Variants in PAPSS2 observed in about 807,000 individuals in gnomAD.
PAPSS2 encodes the protein 3'-phosphoadenosine 5'-phosphosulfate synthase 2.
A neutral mutation model predicts 66.5 loss-of-function variants in PAPSS2; 61 were observed. The observed-to-expected ratio is 0.92, with a 90% CI of 0.75 to 1.14. The LOEUF is 1.14. PAPSS2 is among the 50% of genes most tolerant of loss of function. The pLI, the probability that PAPSS2 is intolerant of heterozygous loss-of-function variation, is 0.00. For missense variants in PAPSS2, 708 were observed against 789.6 expected, an observed-to-expected ratio of 0.90 and a Z score of 1.24; for synonymous variants, 289 against 287.5, an observed-to-expected ratio of 1.01 and a Z score of -0.05.
chr10:87,725,909 A>ACACACACACACACACACACC (rs1853653775), intron 8 of PAPSS2, among the ~76,000 whole-genome samples: 1 of 151,854 alleles, frequency 6.6e-6, no homozygotes, highest in Non-Finnish European at 1.5e-5. Flanking sequence ...ACACACACAC[A>ACACACACACACACACACACC]CACACATATT....
intron 8 of PAPSS2, among the ~76,000 whole-genome samples, chr10:87,722,187 T>C (rs1383252884): frequency 6.6e-6 from 1 of 152,238 alleles, no homozygotes; most frequent in Non-Finnish European, 1.5e-5. Flanking sequence ...TTAAACTGAA[T>C]GTACCTGGTT....
At chr10:87,672,059 C>T (rs1178497170) in intron 1 of PAPSS2, among the ~76,000 whole-genome samples, 1 of 152,186 alleles carries the variant, frequency 6.6e-6, no homozygotes, top group Non-Finnish European at 1.5e-5. Context: ...TATCAATTAT[C>T]CTAGTAGCTC....
At chr10:87,743,071 C>A (rs534191197) in intron 10 of PAPSS2, among the ~76,000 whole-genome samples, 1 of 152,244 alleles carries the variant, frequency 6.6e-6, no homozygotes, top group East Asian at 1.9e-4. Context: ...CATGGTGAAA[C>A]CCTGAGTCTA....
intron 8 of PAPSS2, among the ~76,000 whole-genome samples, chr10:87,722,853 G>A (rs976498359): frequency 4.6e-5 from 7 of 152,194 alleles, no homozygotes; most frequent in Admixed American, 2.0e-4. Context: ...AGATCAGTTG[G>A]CATTATTACT....
At chr10:87,683,100 T>TC (rs1349338159) in intron 1 of PAPSS2, among the ~76,000 whole-genome samples, 1 of 150,478 alleles carries the variant, frequency 6.6e-6, no homozygotes, top group Non-Finnish European at 1.5e-5. Flanking sequence ...TTTTCTTTTT[T>TC]TTTTTTTTGA....
At chr10:87,688,598 T>G (rs1231288181) in intron 1 of PAPSS2, among the ~76,000 whole-genome samples, 1 of 151,878 alleles carries the variant, frequency 6.6e-6, no homozygotes, top group East Asian at 1.9e-4. Flanking sequence ...TAGCTGGGAC[T>G]ACAGGCGCCC....
intron 1 of PAPSS2, among the ~76,000 whole-genome samples, chr10:87,671,209 T>C (rs1254890861): frequency 6.6e-6 from 1 of 152,210 alleles, no homozygotes; most frequent in Non-Finnish European, 1.5e-5. Flanking sequence ...TAACATATAA[T>C]GGATACTATG....
intron 1 of PAPSS2, chr10:87,660,464 CT>C (rs1268604853): frequency 4.9e-6 from 1 of 206,098 alleles, no homozygotes; most frequent in Non-Finnish European, 9.8e-6. Context: ...TAATGACGGA[CT>C]TTCATAGAGG....
intron 1 of PAPSS2, among the ~76,000 whole-genome samples, chr10:87,680,538 C>T (rs187019740): frequency 6.6e-6 from 1 of 152,242 alleles, no homozygotes; most frequent in Non-Finnish European, 1.5e-5. Flanking sequence ...CTGGGTCCCT[C>T]CTCAGTCACT....
At chr10:87,677,891 G>T (rs1852968732) in intron 1 of PAPSS2, among the ~76,000 whole-genome samples, 1 of 152,040 alleles carries the variant, frequency 6.6e-6, no homozygotes, top group African/African-American at 2.4e-5. Flanking sequence ...ACAGATTTGA[G>T]AATATAATCT....
chr10:87,690,506 T>G (rs78794249), intron 1 of PAPSS2, among the ~76,000 whole-genome samples: 3,314 of 152,302 alleles, frequency 0.022, 44 homozygotes, highest in Non-Finnish European at 0.037. Context: ...CCTGCTTGTG[T>G]ATATATCTTT....
At chr10:87,722,868 A>G (rs923259482) in intron 8 of PAPSS2, among the ~76,000 whole-genome samples, 2 of 152,254 alleles carry the variant, frequency 1.3e-5, no homozygotes, top group Admixed American at 6.5e-5. Context: ...ATTACTTGGC[A>G]GAACTCCTTT....
intron 1 of PAPSS2, among the ~76,000 whole-genome samples, chr10:87,694,342 G>A (rs896602623): frequency 1.3e-5 from 2 of 152,172 alleles, no homozygotes; most frequent in Non-Finnish European, 2.9e-5. Context: ...TCAGACTTAA[G>A]TCTATAAATC....
At chr10:87,688,579 C>A (rs1002155014) in intron 1 of PAPSS2, among the ~76,000 whole-genome samples, 9 of 151,854 alleles carry the variant, frequency 5.9e-5, no homozygotes, top group African/African-American at 2.2e-4. Flanking sequence ...CCTGCCTCAG[C>A]CTCCCCAGTA....
intron 1 of PAPSS2, among the ~76,000 whole-genome samples, chr10:87,669,272 G>A (rs181440510): frequency 6.6e-6 from 1 of 152,178 alleles, no homozygotes; most frequent in African/African-American, 2.4e-5. Flanking sequence ...ACCAAGTTCA[G>A]TTATACGCCA....
At chr10:87,666,403 A>G (rs1309743019) in intron 1 of PAPSS2, among the ~76,000 whole-genome samples, 1 of 152,222 alleles carries the variant, frequency 6.6e-6, no homozygotes, top group Non-Finnish European at 1.5e-5. Context: ...AATCATTAAC[A>G]TCTCCTATCA....
rs1554869555 is a variant in PAPSS2 at position 87,746,116 on chromosome 10, A to AAAAT, written c.*147_*148insAATA. On this transcript the variant is annotated 3_prime_UTR_variant, in exon 13 of 13. Coordinates refer to ENST00000456849, the MANE Select transcript of PAPSS2 (RefSeq NM_001015880.2). ...AAAGTTGTGTCTATAATTAAAAAAA[A>AAAAT]ATATATATATATACACACACACATA... The AAAAT allele has an allele frequency of 8.4e-6, 5 of 597,870 alleles. No homozygotes were observed. In the East Asian group the frequency reaches 1.7e-4, roughly 20 times the overall value. 37.0% of individuals were successfully genotyped at this position (597,870 alleles called of 1,614,324 possible).
intron 1 of PAPSS2, among the ~76,000 whole-genome samples, chr10:87,700,732 A>G (rs1009850011): frequency 1.3e-5 from 2 of 152,032 alleles, no homozygotes; most frequent in Non-Finnish European, 2.9e-5. Context: ...AACAACTATC[A>G]GAACCATAGA....
In PAPSS2 at chr10:87,696,163, T is replaced by C. The variant is rs1853232517; in HGVS notation, c.28-13033T>C. On this transcript the variant is annotated intron_variant, in intron 1 of 12. Coordinates refer to ENST00000456849, the MANE Select transcript of PAPSS2 (RefSeq NM_001015880.2). ...ATCTTGGGTCCATTCGAGGGCAGGA[T>C]GCAATTTCAGGATTATTTGGTCCAA... Among the ~76,000 whole-genome samples the C allele has an allele frequency of 5.3e-5, 8 of 152,332 alleles. No homozygotes were observed. In the South Asian group the frequency reaches 1.7e-3, roughly 32 times the overall value.
Sources: gnomAD v4.1 joint callset for allele counts (sites outside exome capture counted in the v4.1 genomes callset) on GRCh38, gnomAD v4.1.1 for gene constraint, MANE v1.5 for transcripts, NCBI Gene and HGNC (gene_info 2026-07-23, HGNC 2026-07-21) for gene names.